Variants in USP36 observed in about 807,000 individuals in gnomAD.
The protein encoded by USP36 is ubiquitin specific peptidase 36, also known as ubiquitin carboxyl-terminal hydrolase 36.
In USP36, 59 loss-of-function variants were observed where a neutral mutation model predicts 111.5. The observed-to-expected ratio is 0.53, with a 90% confidence interval of 0.43 to 0.66. USP36 has a LOEUF of 0.66. Among genes scored for constraint, USP36 ranks in the 30% least tolerant of loss-of-function variants. USP36 has a pLI of 0.00. For missense variants in USP36, 1,488 were observed against 1,468.0 expected (o/e 1.01, Z -0.22); for synonymous variants, 628 against 581.0 (o/e 1.08, Z -1.16).
chr17:78,790,875 G>A (rs2093577718), downstream of USP36, among the ~76,000 whole-genome samples: 1 of 152,136 alleles, frequency 6.6e-6, no homozygotes, highest in African/African-American at 2.4e-5. Flanking sequence ...CTTGTGACCT[G>A]TTTCTCACTC....
intron 5 of USP36, among the ~76,000 whole-genome samples, chr17:78,828,020 T>TG (rs1323207859): frequency 1.3e-5 from 2 of 152,196 alleles, no homozygotes; most frequent in Admixed American, 1.3e-4. Flanking sequence ...AGCTGGGAGT[T>TG]GGAGACCAGC....
Position 78,803,926 on chromosome 17 carries a change from G to C in USP36, c.2269C>G (p.Pro757Ala), listed in dbSNP as rs773899585. 6.3e-7 allele frequency: 1 copy of C among 1,599,774 alleles called. No individual in the cohort carries two copies. Among genetic ancestry groups the C allele is most frequent in the African/African-American group, 1.3e-5 (1 of 74,466 alleles). The change falls in exon 16 of 21, where the codon CCC becomes GCC. Residue 757 changes from proline to alanine, a missense_variant. Around this residue, in one of 3 missense-constraint regions of USP36, gnomAD observed 1,073 missense variants for 994.1 expected, o/e 1.08. Coordinates refer to ENST00000449938, the MANE Select transcript of USP36 (RefSeq NM_001385174.1). The surrounding 1 kb of genome is among the most constrained non-coding windows in gnomAD (Gnocchi z 4.6). ...SSSRLQPPFS[P>A]HPTLLSSTPK... ...GTACTGGACAGCAATGTGGGGTGGG[G>C]GCTGAAGGGGGGTTGCAGGCGGCTG...
At chr17:78,793,326 G>A (rs1327167727), downstream of USP36, among the ~76,000 whole-genome samples, 9 of 152,146 alleles carry the variant, frequency 5.9e-5, no homozygotes, top group African/African-American at 2.2e-4. Flanking sequence ...TGAAAAGAAT[G>A]GGAGAGAGAG....
chr17:78,817,368 C>G lies in USP36; in HGVS notation c.1023+1299G>C, dbSNP rs1300508134. 2.6e-5 allele frequency among the ~76,000 whole-genome samples: 4 copies of G among 152,322 alleles called. No homozygotes were observed. In the East Asian group the frequency reaches 7.7e-4, roughly 29 times the overall value. ...AGAAATGCTGACCTAAGCAAGCCCC[C>G]ACCACTACCAGTGAGGAAACGGAGG... On this transcript the variant is annotated intron_variant, in intron 10 of 20. Coordinates refer to ENST00000449938, the MANE Select transcript of USP36 (RefSeq NM_001385174.1).
intron 13 of USP36, among the ~76,000 whole-genome samples, chr17:78,811,130 C>CAAAAAAAAAAAAAAAAAAAAAAAAAAA (rs969048033): frequency 7.1e-5 from 2 of 28,350 alleles, no homozygotes; most frequent in African/African-American, 2.6e-4. Context: ...GACTCTGTCT[C>CAAAAAAAAAAAAAAAAAAAAAAAAAAA]AAAAAAAAAA....
chr17:78,821,117 TC>T lies in USP36; in HGVS notation c.758-57del, dbSNP rs2094308340. On this transcript the variant is annotated intron_variant, in intron 7 of 20. Transcript: ENST00000449938. ...GGGGCCTGGCAGAGGCACTCCCAGCTCCCAAGACCGAGACCCAGCAGGGAGG... is the reference window on the plus strand; with the variant it reads ...GGGGCCTGGCAGAGGCACTCCCAGCTCCAAGACCGAGACCCAGCAGGGAGG... The T allele has an allele frequency of 1.5e-5, 23 of 1,528,318 alleles. No individual in the cohort carries two copies. The South Asian group carries it at 1.5e-4, about 10-fold the overall frequency. The allele number at this position is 1,528,318 out of a possible 1,614,324, so 94.7% of individuals were successfully genotyped here. A position where few individuals can be genotyped will look rare whatever the true frequency, so the allele number is the denominator to read the frequency against.
At chr17:78,835,672 A>T in intron 3 of USP36, among the ~76,000 whole-genome samples, 171 bp from the exon 4 acceptor site, 1 of 152,244 alleles carries the variant, frequency 6.6e-6, no homozygotes, top group East Asian at 1.9e-4. Context: ...GCTCAGGAGT[A>T]AACCCAGCCA....
rs1321029001 is a variant in USP36 at position 78,812,972 on chromosome 17, C to A, written c.1295G>T (p.Gly432Val). ...RIPGSKKSPE[G>V]LISRTGSSSL... ...GGAGGAGCCTGTCCTGGAGATGAGG[C>A]CCTCGGGACTTTTCTTAGAGCCTGG... The change falls in exon 13 of 21, where the codon GGC (glycine) becomes GTC (valine). Residue 432 changes from glycine (G) to valine (V), a missense_variant. This residue lies in a region of USP36 where 1,073 missense variants were observed against 994.1 expected (regional missense o/e 1.08). Transcript: ENST00000449938. 2 of 1,613,910 alleles carry A rather than the reference C, an allele frequency of 1.2e-6. No homozygotes were observed. Among genetic ancestry groups the A allele is most frequent in the South Asian group, 1.1e-5 (1 of 91,076 alleles).
intron 12 of USP36, 112 bp downstream of exon 12, chr17:78,813,661 C>A: frequency 1.1e-6 from 1 of 899,444 alleles, no homozygotes; most frequent in African/African-American, 1.7e-5. Context: ...ATGACAAATC[C>A]CTCCAGTGGA....
Position 78,821,105 on chromosome 17 carries a change from G to A in USP36, c.758-44C>T, listed in dbSNP as rs2094308100. The A allele has an allele frequency of 5.8e-6, 9 of 1,554,940 alleles. No homozygotes were observed. The East Asian group carries it at 1.9e-4, about 33-fold the overall frequency. On this transcript the variant is annotated intron_variant, in intron 7 of 20. Transcript: ENST00000449938. ...AGTGGAGCAGGTGGGGCCTGGCAGA[G>A]GCACTCCCAGCTCCCAAGACCGAGA...
At position 78,807,282 on chromosome 17, in the gene USP36, T is replaced by C. The variant is rs370137888; in HGVS notation, c.1762A>G (p.Thr588Ala). ...AGCCCATGCCCGTTGGCAGTGGCTG[T>C]AGCCAGGAGCTTAGGTGAGGTAGAG... ...VLSTSPKLLA[T>A]ATANGHGLKG... Residue 588 changes from threonine to alanine, a missense_variant, in exon 14 of 21, where the codon ACA (threonine) becomes GCA (alanine). Around this residue, in one of 3 missense-constraint regions of USP36, gnomAD observed 1,073 missense variants for 994.1 expected, o/e 1.08. Transcript: ENST00000449938. 27 of 1,613,872 alleles carry C rather than the reference T, an allele frequency of 1.7e-5. No homozygotes were observed. The highest frequency in any genetic ancestry group is 2.2e-5 in the Non-Finnish European group (26 of 1,179,976).
At chr17:78,805,622 AG>A (rs1464141782) in intron 15 of USP36, among the ~76,000 whole-genome samples, 1 of 152,202 alleles carries the variant, frequency 6.6e-6, no homozygotes, top group Non-Finnish European at 1.5e-5. Flanking sequence ...AGACGCAGGC[AG>A]CCCCTGCGGA....
Position 78,807,629 on chromosome 17 carries a change from T to C in USP36, c.1415A>G (p.Asp472Gly). The change falls in exon 14 of 21, where the codon GAC (aspartate) becomes GGC (glycine). Residue 472 changes from aspartate (D) to glycine (G), a missense_variant. By Grantham distance (94) the Asp-to-Gly change is moderately conservative. Transcript: ENST00000449938. ...ISSPLTGKRQ[D>G]SGTMKKPHTT... ...GTGCGGCTTCTTCATCGTCCCAGAG[T>C]CTTGTCGCTAAGGAGACCAAAGCAG... is the stretch of plus-strand genomic sequence containing the variant. The C allele has an allele frequency of 6.6e-7, 1 of 1,526,534 alleles. No individual in the cohort carries two copies. The highest frequency in any genetic ancestry group is 8.8e-7 in the Non-Finnish European group (1 of 1,137,818). 94.6% of individuals were successfully genotyped at this position (1,526,534 alleles called of 1,614,324 possible). A position where few individuals can be genotyped will look rare whatever the true frequency, so the allele number is the denominator to read the frequency against.
intron 4 of USP36, among the ~76,000 whole-genome samples, chr17:78,831,957 A>T (rs2068164201): frequency 6.6e-6 from 1 of 151,812 alleles, no homozygotes; most frequent in South Asian, 2.1e-4. Context: ...AAAAAAAAAA[A>T]AAAAAGCTTC....
At chr17:78,834,778 C>A (rs1004225027) in intron 4 of USP36, among the ~76,000 whole-genome samples, 14 of 151,846 alleles carry the variant, frequency 9.2e-5, no homozygotes, top group Non-Finnish European at 1.8e-4. Flanking sequence ...CCAGGCTGCA[C>A]GTTTTATAAT....
At chr17:78,827,685 T>C (rs747848786) in intron 5 of USP36, among the ~76,000 whole-genome samples, 2 of 152,126 alleles carry the variant, frequency 1.3e-5, no homozygotes, top group Admixed American at 1.3e-4. Flanking sequence ...GGAGGATCAC[T>C]TGAGCCCAGG....
rs773774964 is a variant in USP36, at chr17:78,807,265, C to T, written c.1779G>A (p.Gly593=). 6.2e-7 allele frequency: 1 copy of T among 1,614,048 alleles called. No homozygotes were observed. The highest frequency in any genetic ancestry group is 1.1e-5 in the South Asian group (1 of 91,056). ...TCTCGTCGTTCCCCTTCAGCCCATG[C>T]CCGTTGGCAGTGGCTGTAGCCAGGA... The part of the protein sequence containing the change: ...PKLLATATAN[G]HGLKGNDESA... Residue 593 remains glycine, a synonymous_variant, in exon 14 of 21, where the codon GGG becomes GGA. Coordinates refer to ENST00000449938, the MANE Select transcript of USP36 (RefSeq NM_001385174.1).
At position 78,827,351 on chromosome 17, in the gene USP36, A is replaced by G. The variant is rs1339586705; in HGVS notation, c.587-4T>C. On this transcript the variant is annotated splice_region_variant and splice_polypyrimidine_tract_variant and intron_variant, in intron 5 of 20. Coordinates refer to ENST00000449938, the MANE Select transcript of USP36 (RefSeq NM_001385174.1). Reference sequence around the variant, plus strand: ...AAGCGGAAGTGTCGGGCGATCTCTAAAAGAGGAAGAAACAGGGAGGGAAGA... The same window carrying G: ...AAGCGGAAGTGTCGGGCGATCTCTAGAAGAGGAAGAAACAGGGAGGGAAGA... 5 of 1,607,006 alleles carry G rather than the reference A, an allele frequency of 3.1e-6. No individual in the cohort carries two copies. The African/African-American group carries it at 4.0e-5, about 13-fold the overall frequency.
At chr17:78,818,000 G>A (rs751724223) in intron 10 of USP36, among the ~76,000 whole-genome samples, 4 of 152,162 alleles carry the variant, frequency 2.6e-5, no homozygotes, top group South Asian at 2.1e-4. Flanking sequence ...CAGGGGGATC[G>A]CTTGAGCTTG....
Sources: gnomAD v4.1 joint callset for allele counts (sites outside exome capture counted in the v4.1 genomes callset) on GRCh38, gnomAD v4.1.1 for gene constraint, gnomAD v4.1.1 regional missense constraint, Gnocchi (gnomAD v3.1) non-coding constraint, MANE v1.5 for transcripts, NCBI Gene and HGNC (gene_info 2026-07-23, HGNC 2026-07-21) for gene names.